Variants in DCAF1 observed in about 807,000 individuals in gnomAD.
DCAF1 encodes the protein DDB1- and CUL4-associated factor 1.
Under a neutral mutation model 128.0 loss-of-function variants are expected in DCAF1, and 15 were observed. That is an observed-to-expected ratio of 0.12 (90% confidence interval 0.08 to 0.18). The LOEUF is 0.18. DCAF1 is among the 10% of genes least tolerant of loss of function. The pLI, the probability that DCAF1 is intolerant of heterozygous loss-of-function variation, is 1.00. For missense variants in DCAF1, 988 were observed against 1,649.5 expected (o/e 0.60, Z 6.95); for synonymous variants, 610 against 603.0 (o/e 1.01, Z -0.17).
At chr3:51,476,403 A>T (rs541244143) in intron 3 of DCAF1, among the ~76,000 whole-genome samples, 1 of 151,652 alleles carries the variant, frequency 6.6e-6, no homozygotes, top group African/African-American at 2.4e-5. Context: ...CAAACAAAAA[A>T]CTGAGAATAA....
At chr3:51,432,679 G>C (rs1422946466) in intron 10 of DCAF1, among the ~76,000 whole-genome samples, 1 of 152,082 alleles carries the variant, frequency 6.6e-6, no homozygotes, top group African/African-American at 2.4e-5. Context: ...GGCTGATCTT[G>C]AACTCCTGAC....
At chr3:51,491,040 G>T (rs1186063462) in intron 2 of DCAF1, among the ~76,000 whole-genome samples, 1 of 128,282 alleles carries the variant, frequency 7.8e-6, no homozygotes. Context: ...AACAATCTTG[G>T]AAAAAAAAAA....
chr3:51,500,466 A>T (rs2108646866), upstream of DCAF1, among the ~76,000 whole-genome samples: 1 of 152,338 alleles, frequency 6.6e-6, no homozygotes, highest in East Asian at 1.9e-4. Flanking sequence ...ACCGTGATCT[A>T]AGAAAATATT....
At chr3:51,485,135 G>A (rs1426780329) in intron 2 of DCAF1, among the ~76,000 whole-genome samples, 1 of 151,992 alleles carries the variant, frequency 6.6e-6, no homozygotes, top group African/African-American at 2.4e-5. Context: ...GGCTGATCTC[G>A]AACTCCTGAC....
chr3:51,438,441 G>A (rs1553637688), intron 9 of DCAF1, among the ~76,000 whole-genome samples: 2 of 152,170 alleles, frequency 1.3e-5, no homozygotes, highest in Admixed American at 6.5e-5. Context: ...CATCTAATTT[G>A]TATAGAACAA....
In DCAF1 at chr3:51,407,948, G is replaced by C. The variant is rs111394037; in HGVS notation, c.4212+4431C>G. 8.5e-5 allele frequency among the ~76,000 whole-genome samples: 10 copies of C among 118,268 alleles called. 1 individual carries two copies. The highest frequency in any genetic ancestry group is 3.2e-4 in the African/African-American group (10 of 30,876). 77.6% of individuals were successfully genotyped at this position (118,268 alleles called of 152,430 possible). On this transcript the variant is annotated intron_variant, in intron 23 of 24. Transcript: ENST00000684031. ...TGCAGTGAGCCAAGATCGCAACACT[G>C]CGCTCCAGCCTGGGTGACAGGGCGA... is the stretch of plus-strand genomic sequence containing the variant.
chr3:51,443,466 T>C (rs996715962), intron 7 of DCAF1, among the ~76,000 whole-genome samples: 2 of 151,854 alleles, frequency 1.3e-5, no homozygotes, highest in Non-Finnish European at 2.9e-5. Flanking sequence ...AGTGGGAACC[T>C]GTAACCCCAG....
chr3:51,434,781 C>T (rs1700670025), intron 9 of DCAF1, among the ~76,000 whole-genome samples: 1 of 152,102 alleles, frequency 6.6e-6, no homozygotes, highest in Non-Finnish European at 1.5e-5. Flanking sequence ...TTTTTAACTG[C>T]CTGTTCAAGT....
chr3:51,436,099 C>A (rs1700804162), intron 9 of DCAF1, among the ~76,000 whole-genome samples: 1 of 152,138 alleles, frequency 6.6e-6, no homozygotes, highest in Non-Finnish European at 1.5e-5. Context: ...GATAAAGAAC[C>A]TTAGTAACTT....
chr3:51,430,443 T>TA (rs1401929803), intron 10 of DCAF1, among the ~76,000 whole-genome samples: 1 of 152,206 alleles, frequency 6.6e-6, no homozygotes, highest in Admixed American at 6.5e-5. Context: ...AACCTATACT[T>TA]ACTGAGTGCC....
intron 23 of DCAF1, among the ~76,000 whole-genome samples, chr3:51,410,219 G>A (rs1388712944): frequency 5.3e-5 from 8 of 152,184 alleles, no homozygotes; most frequent in Non-Finnish European, 1.0e-4. Context: ...GCCACCAGCT[G>A]CCCACCACAC....
intron 24 of DCAF1, among the ~76,000 whole-genome samples, chr3:51,401,140 A>C (rs1308992400): frequency 1.3e-5 from 2 of 151,678 alleles, no homozygotes; most frequent in Non-Finnish European, 2.9e-5. Context: ...TCAAAAAAAA[A>C]AAAAAAAAAA....
At chr3:51,495,217 G>A (rs1708103435) in intron 2 of DCAF1, among the ~76,000 whole-genome samples, 3 of 152,012 alleles carry the variant, frequency 2.0e-5, no homozygotes, top group African/African-American at 7.2e-5. Context: ...CCAGCCACTC[G>A]GGAGGCTGAG....
chr3:51,491,939 C>T (rs1188532288), intron 2 of DCAF1, among the ~76,000 whole-genome samples: 1 of 151,996 alleles, frequency 6.6e-6, no homozygotes, highest in Non-Finnish European at 1.5e-5. Context: ...GGGCAGATCA[C>T]GAGGTCAGGA....
chr3:51,432,422 C>T (rs1261134266), intron 10 of DCAF1, among the ~76,000 whole-genome samples: 2 of 151,240 alleles, frequency 1.3e-5, no homozygotes, highest in African/African-American at 2.4e-5. Context: ...ACGATATAAA[C>T]GTGTGTGTGA....
At chr3:51,406,476 G>A (rs1553626688) in intron 23 of DCAF1, among the ~76,000 whole-genome samples, 3 of 151,328 alleles carry the variant, frequency 2.0e-5, no homozygotes, top group Admixed American at 6.6e-5. Flanking sequence ...AGGGCTTAGA[G>A]GAATTCAGGG....
intron 22 of DCAF1, 88 bp downstream of exon 22, chr3:51,412,905 T>A (rs1456049577): frequency 6.4e-7 from 1 of 1,558,886 alleles, no homozygotes; most frequent in African/African-American, 1.4e-5. Flanking sequence ...ACTTTACATC[T>A]TATATCAGAC....
chr3:51,429,558 T>C lies in DCAF1; in HGVS notation c.1468-88A>G, dbSNP rs1023823801. 6.6e-5 allele frequency: 47 copies of C among 708,566 alleles called. 1 individual carries two copies. In the East Asian group the frequency reaches 1.1e-3, roughly 17 times the overall value. 43.9% of individuals were successfully genotyped at this position (708,566 alleles called of 1,614,324 possible). On this transcript the variant is annotated intron_variant, in intron 11 of 24. Coordinates refer to ENST00000684031, the MANE Select transcript of DCAF1 (RefSeq NM_001387579.1). ...ATTTAAAAAAGGGAAAATATTTTAG[T>C]AAACTTTTTTTACTTTCCATACATA...
At chr3:51,416,592 A>G (rs2107258652) in intron 18 of DCAF1, among the ~76,000 whole-genome samples, 195 bp downstream of exon 18, 1 of 152,340 alleles carries the variant, frequency 6.6e-6, no homozygotes, top group Non-Finnish European at 1.5e-5. Context: ...ATCTTTCTCA[A>G]TGTCACATTT....
Sources: gnomAD v4.1 joint callset for allele counts (sites outside exome capture counted in the v4.1 genomes callset) on GRCh38, gnomAD v4.1.1 for gene constraint, MANE v1.5 for transcripts, NCBI Gene and HGNC (gene_info 2026-07-23, HGNC 2026-07-21) for gene names.